PNPLA7: variants seen among roughly 807,000 people sequenced by gnomAD.
The protein encoded by PNPLA7 is patatin-like phospholipase domain-containing protein 7.
PNPLA7 carries 153 observed loss-of-function variants against 161.7 expected under a neutral mutation model. The observed-to-expected ratio is 0.95, with a 90% CI of 0.83 to 1.08. PNPLA7 has a LOEUF of 1.08. Among genes scored for constraint, PNPLA7 ranks in the 50% least tolerant of loss-of-function variants. PNPLA7 has a pLI of 0.00. For missense variants in PNPLA7, 1,739 were observed against 1,856.6 expected, an observed-to-expected ratio of 0.94 and a Z score of 1.16; for synonymous variants, 809 against 782.1, an observed-to-expected ratio of 1.03 and a Z score of -0.57.
chr9:137,509,554 T>C (rs552446418), intron 12 of PNPLA7: 35 of 290,970 alleles, frequency 1.2e-4, no homozygotes, highest in African/African-American at 7.6e-4. Flanking sequence ...TGAGTTTAAC[T>C]GGTGTGAGTG....
Position 137,462,702 on chromosome 9 carries a change from A to G in PNPLA7, c.3475T>C (p.Leu1159=), listed in dbSNP as rs752612353. 5.0e-6 allele frequency: 8 copies of G among 1,613,712 alleles called. No individual in the cohort carries two copies. The African/African-American group carries it at 8.0e-5, about 16-fold the overall frequency. Residue 1159 remains leucine, a synonymous_variant, in exon 30 of 35, where the codon TTG becomes CTG. Transcript: ENST00000406427. ...WWLLWKRWNP[L]ATKVKVLNMA... ...CACCCCACCTTGACTTTCGTGGCCA[A>G]GGGGTTCCAGCGTTTCCACAGCAGC... is the stretch of plus-strand genomic sequence containing the variant.
chr9:137,484,686 G>C lies in PNPLA7; in HGVS notation c.2248C>G (p.Pro750Ala). The change falls in exon 21 of 35, where the codon CCG becomes GCG. Residue 750 changes from proline (P) to alanine (A), a missense_variant. Coordinates refer to ENST00000406427, the MANE Select transcript of PNPLA7 (RefSeq NM_001098537.3). ...GCCACCGTGGACAGGTTGACAGCCG[G>C]GTTCCCCAAGTCCCACTTGCTGCCC... ...TEGSKWDLGN[P>A]AVNLSTVAVM... 1.2e-6 allele frequency: 2 copies of C among 1,612,392 alleles called. No homozygotes were observed. The highest frequency in any genetic ancestry group is 1.7e-6 in the Non-Finnish European group (2 of 1,179,332).
chr9:137,480,922 C>T lies in PNPLA7; in HGVS notation c.2411+38G>A, dbSNP rs139291647. The T allele has an allele frequency of 2.2e-4, 336 of 1,548,052 alleles. 1 individual carries two copies. In the African/African-American group the frequency reaches 3.7e-3, roughly 17 times the overall value. On this transcript the variant is annotated intron_variant, in intron 22 of 34. Transcript: ENST00000406427. Reference sequence around the variant, plus strand: ...GGACACATCTCAGGGCTGCGTTGGGCCGGCTGGGAGGAAGGAGTCGGGGCT... The same window carrying T: ...GGACACATCTCAGGGCTGCGTTGGGTCGGCTGGGAGGAAGGAGTCGGGGCT...
Position 137,522,658 on chromosome 9 carries a change from C to T in PNPLA7, c.876+71G>A, listed in dbSNP as rs1835087230. The T allele has an allele frequency of 2.5e-6, 4 of 1,569,542 alleles. No individual in the cohort carries two copies. In the East Asian group the frequency reaches 6.8e-5, roughly 27 times the overall value. On this transcript the variant is annotated intron_variant, in intron 9 of 34. Transcript: ENST00000406427. The stretch of plus-strand genomic sequence containing the variant: ...AGTGGGCAATAAACCCACTCAAATC[C>T]CAAACCAGTGCCCAGGCCCCCCCAG...
At chr9:137,461,461 T>TGGGGGGGGGCCGGGGGGGGG in intron 33 of PNPLA7, 75 bp downstream of exon 33, 1 of 1,189,090 alleles carries the variant, frequency 8.4e-7, no homozygotes, top group Non-Finnish European at 1.1e-6. Flanking sequence ...GCCTCTGGGG[T>TGGGGGGGGGCCGGGGGGGGG]GGGGGGGTTC....
intron 8 of PNPLA7, among the ~76,000 whole-genome samples, chr9:137,525,089 G>T (rs567741172): frequency 6.6e-6 from 1 of 152,342 alleles, no homozygotes; most frequent in South Asian, 2.1e-4. Flanking sequence ...AGCTGGCCAT[G>T]CAGGGAAGAC....
At chr9:137,546,008 C>T (rs558965952) in intron 4 of PNPLA7, among the ~76,000 whole-genome samples, 5 of 152,106 alleles carry the variant, frequency 3.3e-5, no homozygotes, top group Admixed American at 6.6e-5. Context: ...CAGTCAGGTT[C>T]GCCCGCAGTT....
rs186442048 is a variant in PNPLA7 at position 137,522,753 on chromosome 9, C to T, written c.852G>A (p.Pro284=). The T allele has an allele frequency of 7.0e-5, 113 of 1,613,606 alleles. No homozygotes were observed. The East Asian group carries it at 1.2e-3, about 17-fold the overall frequency. ...AAFHGVFEKY[P]ETLVRVVQII... is the part of the protein sequence containing the mutation. Reference sequence around the variant, plus strand: ...CCTGCACCACCCTCACCAGAGTTTCCGGATATTTCTCAAAAACTCCATGAA... The same window carrying T: ...CCTGCACCACCCTCACCAGAGTTTCTGGATATTTCTCAAAAACTCCATGAA... The change falls in exon 9 of 35, where the codon CCG becomes CCA. Residue 284 remains proline, a synonymous_variant. Transcript: ENST00000406427.
At chr9:137,532,664 C>A (rs1033526468) in intron 8 of PNPLA7, among the ~76,000 whole-genome samples, 1 of 152,064 alleles carries the variant, frequency 6.6e-6, no homozygotes, top group Admixed American at 6.6e-5. Context: ...AGGTGCAGAA[C>A]CTGGACAGAG....
rs1836624085 is a variant in PNPLA7, at chr9:137,547,825, G to C, written c.31-166C>G. The stretch of plus-strand genomic sequence containing the variant: ...GGTGCCGGGGTCCTCTGAGCCCCCT[G>C]CTAGGAAGCACTCAGAGAGCAACCT... On this transcript the variant is annotated intron_variant, in intron 1 of 34. Transcript: ENST00000406427. The surrounding 1 kb of genome is among the most constrained non-coding windows in gnomAD (Gnocchi z 4.6). 6.6e-6 allele frequency among the ~76,000 whole-genome samples: 1 copy of C among 152,170 alleles called. No individual in the cohort carries two copies. Among genetic ancestry groups the C allele is most frequent in the Non-Finnish European group, 1.5e-5 (1 of 68,000 alleles).
rs545768581 is a variant in PNPLA7 at position 137,500,993 on chromosome 9, G to A, written c.1552-97C>T. 56 of 1,144,868 alleles carry A rather than the reference G, an allele frequency of 4.9e-5. No individual in the cohort carries two copies. In the East Asian group the frequency reaches 1.0e-3, roughly 21 times the overall value. The allele number at this position is 1,144,868 out of a possible 1,614,324, so 70.9% of individuals were successfully genotyped here. On this transcript the variant is annotated intron_variant, in intron 15 of 34. Transcript: ENST00000406427. The surrounding 1 kb of genome is among the most constrained non-coding windows in gnomAD (Gnocchi z 5.5). ...GCGGACGATGCCACCAGGCTCAGCC[G>A]GGAGACCATCCGCCGACCTGATCAG...
intron 15 of PNPLA7, among the ~76,000 whole-genome samples, chr9:137,501,439 C>A (rs562449193): frequency 6.6e-6 from 1 of 152,336 alleles, no homozygotes; most frequent in South Asian, 2.1e-4. Context: ...GCAGAAGGGC[C>A]AGTGCAGCAG....
chr9:137,471,069 G>A (rs938629795), intron 25 of PNPLA7, among the ~76,000 whole-genome samples: 3 of 152,194 alleles, frequency 2.0e-5, no homozygotes, highest in African/African-American at 7.2e-5. Flanking sequence ...GTTCCCACCA[G>A]CACAGTAAGG....
At position 137,500,820 on chromosome 9, in the gene PNPLA7, C is replaced by G. The variant is rs545807124; in HGVS notation, c.1628G>C (p.Cys543Ser). 1 of 1,605,968 alleles carries G rather than the reference C, an allele frequency of 6.2e-7. No homozygotes were observed. Among genetic ancestry groups the G allele is most frequent in the Admixed American group, 1.7e-5 (1 of 58,724 alleles). Residue 543 changes from cysteine (C) to serine (S), a missense_variant, in exon 16 of 35, where the codon TGC (cysteine) becomes TCC (serine). Around this residue, in one of 6 missense-constraint regions of PNPLA7, gnomAD observed 481 missense variants for 450.0 expected, o/e 1.07. Transcript: ENST00000406427. This position sits in a 1 kb window ranked among gnomAD's most constrained non-coding sequence, Gnocchi z 5.5. ...CTCCCCGGGGCGCGTGAGGAACAAG[C>G]AGGTGTCCTCCTGGCTGCCGATCTT... ...QRKIGSQEDT[C>S]LFLTRPGEMV... is the part of the protein sequence containing the mutation.
rs767627465 is a variant in PNPLA7, at chr9:137,506,045, A to G, written c.1264T>C (p.Cys422Arg). 4 of 1,613,182 alleles carry G rather than the reference A, an allele frequency of 2.5e-6. No individual in the cohort carries two copies. The South Asian group carries it at 4.4e-5, about 18-fold the overall frequency. Residue 422 changes from cysteine to arginine, a missense_variant, in exon 13 of 35, where the codon TGT becomes CGT. Around this residue, in one of 6 missense-constraint regions of PNPLA7, gnomAD observed 481 missense variants for 450.0 expected, o/e 1.07. Transcript: ENST00000406427. ...GSATSDLGMA[C>R]DRARVFLHSD... ...TGCAGGAAGACCCTGGCACGGTCAC[A>G]TGCCATCCCCAGATCAGAAGTGGCA... is the stretch of plus-strand genomic sequence containing the variant.
chr9:137,531,541 G>A (rs116393128), intron 8 of PNPLA7, among the ~76,000 whole-genome samples: 1,924 of 152,214 alleles, frequency 0.013, 41 homozygotes, highest in African/African-American at 0.044. Context: ...TTCAGATCTC[G>A]GCAGTGCTGT....
chr9:137,532,619 G>A (rs541381151), intron 8 of PNPLA7, among the ~76,000 whole-genome samples: 1 of 152,294 alleles, frequency 6.6e-6, no homozygotes, highest in Non-Finnish European at 1.5e-5. Flanking sequence ...CATGGCTGGT[G>A]GAGCCCTCTA....
intron 12 of PNPLA7, among the ~76,000 whole-genome samples, chr9:137,506,881 G>C (rs1441389397): frequency 6.6e-6 from 1 of 152,258 alleles, no homozygotes; most frequent in Non-Finnish European, 1.5e-5. Context: ...CGAGTCATCT[G>C]CACTGCGGTT....
intron 10 of PNPLA7, among the ~76,000 whole-genome samples, chr9:137,521,195 G>T (rs1834973623): frequency 6.6e-6 from 1 of 152,178 alleles, no homozygotes; most frequent in Non-Finnish European, 1.5e-5. Flanking sequence ...CAGCCTGCAG[G>T]GCCAGAAAGG....
Sources: allele counts gnomAD v4.1 joint callset (sites outside exome capture counted in the v4.1 genomes callset), GRCh38; gene constraint gnomAD v4.1.1; regional missense constraint gnomAD v4.1.1; non-coding constraint Gnocchi (gnomAD v3.1); transcripts MANE v1.5; gene names NCBI Gene and HGNC (gene_info 2026-07-23, HGNC 2026-07-21).